PTBP3: variants seen among roughly 807,000 people sequenced by gnomAD.
PTBP3 encodes polypyrimidine tract binding protein 3, also known as polypyrimidine tract-binding protein 3.
Under a neutral mutation model 58.7 loss-of-function variants are expected in PTBP3, and 20 were observed. That is an observed-to-expected ratio of 0.34 (90% confidence interval 0.24 to 0.50). The LOEUF (loss-of-function observed/expected upper bound fraction) is 0.50, where lower values mean the gene tolerates loss of function less well. Among genes scored for constraint, PTBP3 ranks in the 20% least tolerant of loss-of-function variants. The probability of loss-of-function intolerance (pLI) is 0.98; values close to 1 mark genes in which losing one functional copy is unlikely to be tolerated. For missense variants in PTBP3, 509 were observed against 637.2 expected (o/e 0.80, Z 2.17); for synonymous variants, 185 against 219.8 (o/e 0.84, Z 1.40).
At chr9:112,235,036 CT>C (rs1835388259) in intron 7 of PTBP3, 139 bp from the exon 8 acceptor site, 2 of 657,136 alleles carry the variant, frequency 3.0e-6, no homozygotes, top group Non-Finnish European at 4.9e-6. Context: ...AACAAGTGAT[CT>C]TTAACGTATA....
intron 6 of PTBP3, chr9:112,252,348 A>G: frequency 3.4e-6 from 1 of 294,632 alleles, no homozygotes; most frequent in Non-Finnish European, 6.4e-6. Context: ...GGATGGGAGA[A>G]GTAAATGAAA....
At chr9:112,352,993 C>T in the PTBP3 span, among the ~76,000 whole-genome samples, 21 of 151,122 alleles carry the variant, frequency 1.4e-4, no homozygotes, top group Non-Finnish European at 1.3e-4. Context: ...GTCCACCTCC[C>T]GGGTTCAAGC....
chr9:112,320,291 A>AAAATATATATATATATATATATAT (rs1411646280), intron 1 of PTBP3, among the ~76,000 whole-genome samples: 2 of 73,526 alleles, frequency 2.7e-5, no homozygotes, highest in South Asian at 5.2e-4. Context: ...AAAAAAAAAA[A>AAAATATATATATATATATATATAT]ATATATATAT....
intron 1 of PTBP3, among the ~76,000 whole-genome samples, chr9:112,322,691 C>CTTT (rs1240049487): frequency 6.6e-6 from 1 of 152,140 alleles, no homozygotes; most frequent in Non-Finnish European, 1.5e-5. Flanking sequence ...AAAACACAGA[C>CTTT]TAAAGAGACA....
intron 7 of PTBP3, among the ~76,000 whole-genome samples, chr9:112,250,146 T>C (rs1192654262): frequency 6.6e-6 from 1 of 152,122 alleles, no homozygotes; most frequent in Non-Finnish European, 1.5e-5. Flanking sequence ...TTCTCACCTA[T>C]AAAACATGAT....
chr9:112,303,689 C>A (rs1262729735), intron 1 of PTBP3, among the ~76,000 whole-genome samples: 2 of 151,208 alleles, frequency 1.3e-5, no homozygotes, highest in East Asian at 1.9e-4. Flanking sequence ...TATGGTGAAA[C>A]CCCGTCTCTA....
Position 112,250,917 on chromosome 9 carries a change from A to G in PTBP3, c.802+12T>C. On this transcript the variant is annotated intron_variant, in intron 7 of 13. Coordinates refer to ENST00000374257, the MANE Select transcript of PTBP3 (RefSeq NM_001163788.4). ...GAAAACTTGCTTTGTGACCCAAAAAAGAACTACTCACCAAAAGCAGCAGCC... is the reference window on the plus strand; with the variant it reads ...GAAAACTTGCTTTGTGACCCAAAAAGGAACTACTCACCAAAAGCAGCAGCC... 2 of 1,496,098 alleles carry G rather than the reference A, an allele frequency of 1.3e-6. No homozygotes were observed. Among genetic ancestry groups the G allele is most frequent in the Non-Finnish European group, 1.8e-6 (2 of 1,122,000 alleles). 92.7% of individuals were successfully genotyped at this position (1,496,098 alleles called of 1,614,324 possible).
chr9:112,300,677 G>A lies in PTBP3; in HGVS notation c.-51-2761C>T, dbSNP rs559808122. Among the ~76,000 whole-genome samples, 294 of 152,280 alleles carry A rather than the reference G, an allele frequency of 1.9e-3. 1 individual carries two copies. The highest frequency in any genetic ancestry group is 6.6e-3 in the African/African-American group (275 of 41,560). On this transcript the variant is annotated intron_variant, in intron 1 of 13. Transcript: ENST00000374257. The stretch of plus-strand genomic sequence containing the variant: ...TGAGGCAGGAGAATGGCGTGAACCC[G>A]GGAGGCAGAGATTGCAGTGAGCCGA...
chr9:112,365,927 T>G, the PTBP3 span, among the ~76,000 whole-genome samples: 2 of 152,080 alleles, frequency 1.3e-5, no homozygotes, highest in African/African-American at 2.4e-5. Context: ...GTTCTGAAAA[T>G]TTGCAGCGTG....
intron 1 of PTBP3, among the ~76,000 whole-genome samples, chr9:112,303,427 AAAGT>A (rs1420231897): frequency 2.6e-5 from 4 of 152,162 alleles, no homozygotes; most frequent in Non-Finnish European, 5.9e-5. Flanking sequence ...ATATGTACAC[AAAGT>A]TAGTTCTCAG....
At position 112,320,314 on chromosome 9, in the gene PTBP3, A is replaced by ATATATATTTT; in HGVS notation, c.-52+13155_-52+13156insAAAATATATA. 3.3e-3 allele frequency among the ~76,000 whole-genome samples: 248 copies of ATATATATTTT among 75,684 alleles called. 1 individual carries two copies. The highest frequency in any genetic ancestry group is 0.011 in the African/African-American group (170 of 14,908). 49.7% of individuals were successfully genotyped at this position (75,684 alleles called of 152,430 possible). ...AAAATATATATATATATATATATAT[A>ATATATATTTT]TTTTTTTTTAAGTGTTATCACCAGA... On this transcript the variant is annotated intron_variant, in intron 1 of 13. Coordinates refer to ENST00000374257, the MANE Select transcript of PTBP3 (RefSeq NM_001163788.4).
chr9:112,339,290 C>CAAAAAAAAAAAAAAAAA, the PTBP3 span, among the ~76,000 whole-genome samples: 1 of 71,714 alleles, frequency 1.4e-5, no homozygotes. Flanking sequence ...GACTCTGTCT[C>CAAAAAAAAAAAAAAAAA]AAAAAAAAAA....
upstream of PTBP3, chr9:112,333,752 C>G (rs1331495642): frequency 3.1e-6 from 1 of 317,474 alleles, no homozygotes; most frequent in African/African-American, 2.2e-5. Context: ...CCCGCCCCTG[C>G]GCTCGCGCCC....
chr9:112,296,773 G>A (rs758917748), intron 2 of PTBP3, among the ~76,000 whole-genome samples: 6 of 151,930 alleles, frequency 3.9e-5, no homozygotes, highest in East Asian at 1.9e-4. Flanking sequence ...TCCTACATTC[G>A]AATAGAAATG....
chr9:112,266,502 G>A (rs1247206100), intron 4 of PTBP3, among the ~76,000 whole-genome samples: 1 of 152,042 alleles, frequency 6.6e-6, no homozygotes, highest in Admixed American at 6.5e-5. Flanking sequence ...ATATACATTG[G>A]AATACACATT....
At chr9:112,279,178 A>G (rs928615993) in intron 2 of PTBP3, among the ~76,000 whole-genome samples, 1 of 152,220 alleles carries the variant, frequency 6.6e-6, no homozygotes, top group African/African-American at 2.4e-5. Context: ...TTAAAAGCCA[A>G]TAGGAAACAA....
chr9:112,233,112 T>C (rs1299559138), intron 8 of PTBP3, among the ~76,000 whole-genome samples: 1 of 151,998 alleles, frequency 6.6e-6, no homozygotes, highest in Non-Finnish European at 1.5e-5. Context: ...TTTAAAACTG[T>C]GCAGACCACA....
chr9:112,320,314 A>ATATATATATATATTTT, intron 1 of PTBP3, among the ~76,000 whole-genome samples: 2,522 of 75,116 alleles, frequency 0.034, 73 homozygotes, highest in Non-Finnish European at 0.04. Context: ...ATATATATAT[A>ATATATATATATATTTT]TTTTTTTTTA....
chr9:112,302,899 T>C (rs1161166079), intron 1 of PTBP3, among the ~76,000 whole-genome samples: 4 of 152,158 alleles, frequency 2.6e-5, no homozygotes, highest in Admixed American at 1.3e-4. Context: ...CTGACTATAT[T>C]CTTCTTAATG....
Sources: gnomAD v4.1 joint callset for allele counts (sites outside exome capture counted in the v4.1 genomes callset) on GRCh38, gnomAD v4.1.1 for gene constraint, MANE v1.5 for transcripts, NCBI Gene and HGNC (gene_info 2026-07-23, HGNC 2026-07-21) for gene names.